The following SCHIP1 variants were observed in gnomAD, a reference collection of about 807,000 sequenced individuals.
SCHIP1 encodes schwannomin-interacting protein 1.
A neutral mutation model predicts 29.7 loss-of-function variants in SCHIP1; 8 were observed. The ratio of observed to expected loss-of-function variants is 0.27; its 90% confidence interval spans 0.16 to 0.49. The LOEUF (loss-of-function observed/expected upper bound fraction) is 0.49. SCHIP1 is among the 20% of genes least tolerant of loss of function. The pLI is 0.99. For synonymous variants in SCHIP1, 76 were observed against 94.9 expected (o/e 0.80, Z 1.16); for missense variants, 193 against 294.6 (o/e 0.66, Z 2.52).
At chr3:159,747,577 C>T in the SCHIP1 span, among the ~76,000 whole-genome samples, 31 of 152,098 alleles carry the variant, frequency 2.0e-4, no homozygotes, top group South Asian at 2.1e-4. Flanking sequence ...AAAGCAGGGA[C>T]GACGTGCCCA....
the SCHIP1 span, among the ~76,000 whole-genome samples, chr3:159,783,085 T>G: frequency 6.6e-6 from 1 of 152,262 alleles, no homozygotes; most frequent in Non-Finnish European, 1.5e-5. Flanking sequence ...CATTTACTTA[T>G]TCACTTAATA....
At chr3:159,623,692 A>G in the SCHIP1 span, among the ~76,000 whole-genome samples, 1 of 152,224 alleles carries the variant, frequency 6.6e-6, no homozygotes, top group African/African-American at 2.4e-5. Flanking sequence ...TACCTTTAGT[A>G]GGAAAAGTAA....
chr3:159,371,547 A>G, the SCHIP1 span, among the ~76,000 whole-genome samples: 3 of 152,216 alleles, frequency 2.0e-5, no homozygotes, highest in African/African-American at 4.8e-5. Context: ...GTGTTTTAAA[A>G]GTTAAAAAGA....
chr3:159,466,607 G>A, the SCHIP1 span, among the ~76,000 whole-genome samples: 1 of 152,084 alleles, frequency 6.6e-6, no homozygotes, highest in African/African-American at 2.4e-5. Flanking sequence ...AAGTACATAT[G>A]ACTGCATTTG....
chr3:159,528,414 C>A, the SCHIP1 span, among the ~76,000 whole-genome samples: 2 of 152,136 alleles, frequency 1.3e-5, no homozygotes, highest in South Asian at 2.1e-4. Context: ...GATCCCTTCC[C>A]TTCGTGAAGG....
chr3:159,475,926 A>G, the SCHIP1 span, among the ~76,000 whole-genome samples: 1 of 152,220 alleles, frequency 6.6e-6, no homozygotes, highest in Admixed American at 6.5e-5. Flanking sequence ...ATGGGTAAGT[A>G]ACCCTCAGTT....
At chr3:159,436,952 G>A in the SCHIP1 span, among the ~76,000 whole-genome samples, 4 of 152,062 alleles carry the variant, frequency 2.6e-5, no homozygotes, top group Non-Finnish European at 4.4e-5. Context: ...CATGGTGAGG[G>A]TGATCAACTC....
the SCHIP1 span, among the ~76,000 whole-genome samples, chr3:159,564,059 G>T: frequency 1.3e-5 from 2 of 152,020 alleles, no homozygotes; most frequent in Non-Finnish European, 2.9e-5. Flanking sequence ...GCCAAATCAT[G>T]CACTTTCCTA....
At chr3:159,566,468 C>T in the SCHIP1 span, among the ~76,000 whole-genome samples, 1 of 151,896 alleles carries the variant, frequency 6.6e-6, no homozygotes, top group African/African-American at 2.4e-5. Context: ...AATCTACATA[C>T]ATAAATAAGA....
the SCHIP1 span, among the ~76,000 whole-genome samples, chr3:159,316,585 A>T: frequency 6.6e-6 from 1 of 152,184 alleles, no homozygotes; most frequent in Non-Finnish European, 1.5e-5. Context: ...AACCGTCACA[A>T]GTCCATCCCT....
chr3:159,632,546 T>C, the SCHIP1 span, among the ~76,000 whole-genome samples: 2 of 152,228 alleles, frequency 1.3e-5, no homozygotes, highest in African/African-American at 4.8e-5. Context: ...TATTAGCAAC[T>C]GGCTTCTGGA....
chr3:159,705,656 T>G, the SCHIP1 span, among the ~76,000 whole-genome samples: 2 of 152,128 alleles, frequency 1.3e-5, no homozygotes, highest in Non-Finnish European at 2.9e-5. Context: ...TTGTTGGAGT[T>G]CAGTAGCAGG....
chr3:159,503,863 T>TA, the SCHIP1 span, among the ~76,000 whole-genome samples: 1 of 152,154 alleles, frequency 6.6e-6, no homozygotes, highest in Non-Finnish European at 1.5e-5. Flanking sequence ...CCAGGAATCA[T>TA]AGATAAAAGG....
chr3:159,860,606 A>G (rs1713944551), intron 1 of SCHIP1, among the ~76,000 whole-genome samples: 1 of 152,196 alleles, frequency 6.6e-6, no homozygotes. Flanking sequence ...TTAAAAGTCT[A>G]TTTCAGTTCC....
At chr3:159,439,604 C>T in the SCHIP1 span, among the ~76,000 whole-genome samples, 16 of 152,000 alleles carry the variant, frequency 1.1e-4, no homozygotes, top group South Asian at 4.1e-4. Flanking sequence ...TATCTGATTG[C>T]GGTTTTGATT....
the SCHIP1 span, among the ~76,000 whole-genome samples, chr3:159,573,189 G>T: frequency 6.6e-6 from 1 of 152,136 alleles, no homozygotes. Context: ...ATTAATTGAT[G>T]CAGTTTCTTC....
At chr3:159,423,067 G>GGGGGAGGAGCCAAGATGGCC in the SCHIP1 span, among the ~76,000 whole-genome samples, 1 of 152,214 alleles carries the variant, frequency 6.6e-6, no homozygotes, top group Non-Finnish European at 1.5e-5. Flanking sequence ...TGTCATGGCA[G>GGGGGAGGAGCCAAGATGGCC]GGGGAGGAGC....
At chr3:159,426,207 G>A in the SCHIP1 span, among the ~76,000 whole-genome samples, 1 of 152,072 alleles carries the variant, frequency 6.6e-6, no homozygotes, top group Non-Finnish European at 1.5e-5. Flanking sequence ...CAGAACTGAA[G>A]GAAATAGAGA....
the SCHIP1 span, among the ~76,000 whole-genome samples, chr3:159,439,695 C>T: frequency 6.6e-6 from 1 of 152,160 alleles, no homozygotes; most frequent in Non-Finnish European, 1.5e-5. Context: ...TTCAGAAATG[C>T]CTATTCATGT....
Sources: gnomAD v4.1 joint callset for allele counts (sites outside exome capture counted in the v4.1 genomes callset) on GRCh38, gnomAD v4.1.1 for gene constraint, MANE v1.5 for transcripts, NCBI Gene and HGNC (gene_info 2026-07-23, HGNC 2026-07-21) for gene names.